RGS22: variants seen among roughly 807,000 people sequenced by gnomAD.
RGS22 encodes regulator of G-protein signaling 22.
Under a neutral mutation model 172.9 loss-of-function variants are expected in RGS22, and 148 were observed. The observed-to-expected ratio is 0.86, with a 90% CI of 0.75 to 0.98. The LOEUF is 0.98. RGS22 is among the 50% of genes least tolerant of loss of function. The pLI is 0.00. For missense variants in RGS22, 1,347 were observed against 1,440.8 expected (o/e 0.93, Z 1.05); for synonymous variants, 458 against 480.2 (o/e 0.95, Z 0.60).
In RGS22 at chr8:100,063,473, C is replaced by T; in HGVS notation, c.1295G>A (p.Trp432Ter). The change falls in exon 8 of 28, where the codon TGG becomes TAG. Residue 432 changes from tryptophan (W) to a stop codon, truncating the protein, a stop_gained. Coordinates refer to ENST00000360863, the MANE Select transcript of RGS22 (RefSeq NM_015668.5). LOFTEE classifies it high-confidence loss of function. ...IKGTLGERYWWLWMDIERLKV... is the reference protein window; with the variant it reads ...IKGTLGERYW ...TAACCTCTCAATATCCATCCATAGC[C>T]ACCAATATCTCTCTCCCAATGTACC... 3 of 1,613,124 alleles carry T rather than the reference C, an allele frequency of 1.9e-6. No individual in the cohort carries two copies. Among genetic ancestry groups the T allele is most frequent in the South Asian group, 1.1e-5 (1 of 90,960 alleles).
At chr8:100,096,841 A>T (rs1344801826) in intron 2 of RGS22, among the ~76,000 whole-genome samples, 1 of 151,960 alleles carries the variant, frequency 6.6e-6, no homozygotes, top group Non-Finnish European at 1.5e-5. Flanking sequence ...GATGCAAGAT[A>T]TACAAAGACA....
intron 19 of RGS22, among the ~76,000 whole-genome samples, chr8:99,998,436 T>C (rs1418911432): frequency 6.6e-6 from 1 of 152,150 alleles, no homozygotes; most frequent in Admixed American, 6.5e-5. Context: ...CTGGGCACTG[T>C]GGAACTTTCC....
At position 99,985,393 on chromosome 8, in the gene RGS22, C is replaced by T. The variant is rs145404731; in HGVS notation, c.3180+2065G>A. On this transcript the variant is annotated intron_variant, in intron 21 of 27. Coordinates refer to ENST00000360863, the MANE Select transcript of RGS22 (RefSeq NM_015668.5). ...AGTGGAATAAATGCCTTCCAACTGG[C>T]AAACTCCCTCATGGCCCAATGCAAG... is the stretch of plus-strand genomic sequence containing the variant. Among the ~76,000 whole-genome samples the T allele has an allele frequency of 2.1e-3, 313 of 152,320 alleles. 1 individual carries two copies. The highest frequency in any genetic ancestry group is 0.014 in the South Asian group (67 of 4,824).
chr8:100,033,720 A>G (rs953048209), intron 14 of RGS22, among the ~76,000 whole-genome samples: 1 of 143,580 alleles, frequency 7.0e-6, no homozygotes, highest in Non-Finnish European at 1.5e-5. Flanking sequence ...TCAATAAAAT[A>G]ATGGCAAACC....
intron 9 of RGS22, among the ~76,000 whole-genome samples, chr8:100,056,332 A>G (rs1229256513): frequency 2.6e-5 from 4 of 152,210 alleles, no homozygotes; most frequent in Admixed American, 6.5e-5. Flanking sequence ...ATGCGACAGA[A>G]AAGAAAACCC....
chr8:100,002,618 C>G (rs896776215), intron 17 of RGS22, among the ~76,000 whole-genome samples: 1 of 152,152 alleles, frequency 6.6e-6, no homozygotes, highest in Non-Finnish European at 1.5e-5. Context: ...AAAAAAAATC[C>G]GTCACCATTA....
rs183349610 is a variant in RGS22, at chr8:100,093,590, G to A, written c.55-81C>T. On this transcript the variant is annotated intron_variant, in intron 2 of 27. Transcript: ENST00000360863. ...CTATATTATTCTCTATTTCTGCTAC[G>A]AATTTATTATCACATAGATCTTCAA... is the stretch of plus-strand genomic sequence containing the variant. 235 of 918,280 alleles carry A rather than the reference G, an allele frequency of 2.6e-4. 1 individual carries two copies. The East Asian group carries it at 5.1e-3, about 20-fold the overall frequency. 56.9% of individuals were successfully genotyped at this position (918,280 alleles called of 1,614,324 possible).
At chr8:99,972,835 C>T (rs1300056528) in intron 23 of RGS22, among the ~76,000 whole-genome samples, 7 of 151,868 alleles carry the variant, frequency 4.6e-5, no homozygotes, top group South Asian at 4.2e-4. Flanking sequence ...AGATCGAGAC[C>T]GACCAGGCTA....
chr8:99,961,258 T>A, intron 27 of RGS22, 62 bp from the exon 28 acceptor site: 1 of 433,264 alleles, frequency 2.3e-6, no homozygotes. Context: ...AATACAAATA[T>A]AAATGCAAAA....
Position 100,047,499 on chromosome 8 carries a change from T to C in RGS22, c.1787A>G (p.Tyr596Cys), listed in dbSNP as rs746467561. The C allele has an allele frequency of 3.1e-6, 5 of 1,607,910 alleles. No individual in the cohort carries two copies. The highest frequency in any genetic ancestry group is 2.7e-5 in the African/African-American group (2 of 74,668). Residue 596 changes from tyrosine to cysteine, a missense_variant, in exon 11 of 28, where the codon TAT (tyrosine) becomes TGT (cysteine). Coordinates refer to ENST00000360863, the MANE Select transcript of RGS22 (RefSeq NM_015668.5). Reference sequence around the variant, plus strand: ...CACATCATCCTTAGAAGAACCTGGATACAAAAGCTCCCGCTTCCAAGGCTT... The same window carrying C: ...CACATCATCCTTAGAAGAACCTGGACACAAAAGCTCCCGCTTCCAAGGCTT... ...TQKPWKRELLYPGSSKDDVIE... is the reference protein window; with the variant it reads ...TQKPWKRELLCPGSSKDDVIE...
intron 12 of RGS22, among the ~76,000 whole-genome samples, chr8:100,041,028 T>C (rs1726295478): frequency 6.6e-6 from 1 of 152,146 alleles, no homozygotes; most frequent in Non-Finnish European, 1.5e-5. Context: ...TAGAATAAAA[T>C]AAATAGTTAT....
intron 14 of RGS22, among the ~76,000 whole-genome samples, chr8:100,030,571 C>G (rs1166850660): frequency 6.6e-6 from 1 of 152,078 alleles, no homozygotes; most frequent in Non-Finnish European, 1.5e-5. Flanking sequence ...CAAAAGTAAA[C>G]ATGAGAAAAA....
chr8:100,011,188 A>T lies in RGS22; in HGVS notation c.2167-2619T>A, dbSNP rs1816346634. On this transcript the variant is annotated intron_variant, in intron 14 of 27. Coordinates refer to ENST00000360863, the MANE Select transcript of RGS22 (RefSeq NM_015668.5). ...AGGCAGAGACCAGAGCATGAATATG[A>T]TCTTTTATCCTTTGTTAAGGAATTT... 2.0e-5 allele frequency among the ~76,000 whole-genome samples: 3 copies of T among 152,286 alleles called. No homozygotes were observed. The South Asian group carries it at 6.2e-4, about 32-fold the overall frequency.
intron 9 of RGS22, among the ~76,000 whole-genome samples, chr8:100,060,682 T>C (rs1260654567): frequency 6.6e-6 from 1 of 151,602 alleles, no homozygotes; most frequent in Non-Finnish European, 1.5e-5. Context: ...CACAAACAAA[T>C]GGAAAAACAT....
chr8:100,005,615 A>G (rs1258965078), intron 16 of RGS22, among the ~76,000 whole-genome samples: 1 of 152,102 alleles, frequency 6.6e-6, no homozygotes, highest in Admixed American at 6.6e-5. Context: ...TGTTTTCCCT[A>G]TCGCTGTCAC....
intron 6 of RGS22, among the ~76,000 whole-genome samples, chr8:100,068,036 T>C (rs929285901): frequency 2.8e-4 from 42 of 152,116 alleles, no homozygotes; most frequent in African/African-American, 9.9e-4. Flanking sequence ...ACATAAATAA[T>C]GTAAGGGTCC....
chr8:100,008,548 C>G lies in RGS22; in HGVS notation c.2188G>C (p.Ala730Pro). ...QAQYLFATYVAPSATLDIGLQ... is the reference protein window; with the variant it reads ...QAQYLFATYVPPSATLDIGLQ... ...CCAATGTCAAGAGTGGCAGAAGGAG[C>G]AACGTATGTGGCAAAAAGATACTGA... The change falls in exon 15 of 28, where the codon GCT (alanine) becomes CCT (proline). Residue 730 changes from alanine to proline, a missense_variant. Ala to Pro is a conservative substitution (Grantham distance 27). Transcript: ENST00000360863. 7 of 1,609,244 alleles carry G rather than the reference C, an allele frequency of 4.3e-6. No individual in the cohort carries two copies. The highest frequency in any genetic ancestry group is 5.9e-6 in the Non-Finnish European group (7 of 1,178,794).
intron 14 of RGS22, among the ~76,000 whole-genome samples, chr8:100,029,746 T>C (rs1818589846): frequency 6.7e-6 from 1 of 149,074 alleles, no homozygotes; most frequent in Admixed American, 6.7e-5. Context: ...CCATGGCATG[T>C]GTATACCTAT....
intron 7 of RGS22, among the ~76,000 whole-genome samples, chr8:100,064,636 A>T (rs2446928): frequency 0.51 from 78,037 of 151,950 alleles, 20,481 homozygotes; most frequent in Admixed American, 0.6. Flanking sequence ...CAGAAGATAT[A>T]CAAAAATACA....
Sources: gnomAD v4.1 joint callset for allele counts (sites outside exome capture counted in the v4.1 genomes callset) on GRCh38, gnomAD v4.1.1 for gene constraint, MANE v1.5 for transcripts, NCBI Gene and HGNC (gene_info 2026-07-23, HGNC 2026-07-21) for gene names.